The following MYO9B variants were observed in gnomAD, a reference collection of about 807,000 sequenced individuals.
MYO9B encodes unconventional myosin-IXb.
MYO9B carries 71 observed loss-of-function variants against 229.5 expected under a neutral mutation model. The ratio of observed to expected loss-of-function variants is 0.31; its 90% CI spans 0.26 to 0.38. The LOEUF is 0.38. Among genes scored for constraint, MYO9B ranks in the 10% least tolerant of loss-of-function variants. The pLI is 1.00. For synonymous variants in MYO9B, 1,185 were observed against 1,235.8 expected (o/e 0.96, Z 0.86); for missense variants, 2,255 against 2,920.5 (o/e 0.77, Z 5.25).
intron 15 of MYO9B, 83 bp from the exon 16 acceptor site, chr19:17,183,746 C>A: frequency 8.1e-7 from 1 of 1,236,032 alleles, no homozygotes; most frequent in South Asian, 1.4e-5. Flanking sequence ...CAGTCTAACC[C>A]GCCAGGCGTG....
At position 17,163,089 on chromosome 19, in the gene MYO9B, T is replaced by C; in HGVS notation, c.1638T>C (p.Tyr546=). The part of the protein sequence containing the change: ...CINYANEQLQ[Y]YFNQHIFKLE... Reference sequence around the variant, plus strand: ...ACTACGCCAATGAGCAGCTGCAGTATTACTTCAACCAGCACATCTTCAAGC... The same window carrying C: ...ACTACGCCAATGAGCAGCTGCAGTACTACTTCAACCAGCACATCTTCAAGC... Residue 546 remains tyrosine, a synonymous_variant, in exon 10 of 40, where the codon TAT becomes TAC. Coordinates refer to ENST00000682292, the MANE Select transcript of MYO9B (RefSeq NM_004145.4). 1 of 1,565,704 alleles carries C rather than the reference T, an allele frequency of 6.4e-7. No homozygotes were observed. The highest frequency in any genetic ancestry group is 8.7e-7 in the Non-Finnish European group (1 of 1,154,490).
chr19:17,192,292 A>C (rs1227219759), intron 20 of MYO9B, among the ~76,000 whole-genome samples: 1 of 148,822 alleles, frequency 6.7e-6, no homozygotes, highest in Middle Eastern at 3.6e-3. Flanking sequence ...TCAAAAAAAA[A>C]AAAAAAAAGG....
intron 29 of MYO9B, 124 bp from the exon 30 acceptor site, chr19:17,203,023 C>T (rs1359992020): frequency 1.6e-5 from 22 of 1,369,496 alleles, no homozygotes; most frequent in Non-Finnish European, 1.9e-5. Flanking sequence ...GTTTTTCCCC[C>T]GGCATATACG....
At chr19:17,171,975 T>G (rs543010282) in intron 11 of MYO9B, among the ~76,000 whole-genome samples, 14 of 152,276 alleles carry the variant, frequency 9.2e-5, no homozygotes, top group Non-Finnish European at 1.9e-4. Context: ...TCCTGAAGCC[T>G]TGAGAGCGTC....
chr19:17,143,385 G>C (rs1049614648), intron 2 of MYO9B, among the ~76,000 whole-genome samples: 3 of 152,146 alleles, frequency 2.0e-5, no homozygotes, highest in African/African-American at 7.2e-5. Flanking sequence ...ACTGTCTTGG[G>C]GACAAGTGAG....
chr19:17,193,297 C>T lies in MYO9B; in HGVS notation c.3128+235C>T, dbSNP rs1409042170. On this transcript the variant is annotated intron_variant, in intron 21 of 39. Transcript: ENST00000682292. The surrounding 1 kb of genome is among the most constrained non-coding windows in gnomAD (Gnocchi z 4.3). ...GCCCTGCTTTGCCATTGGCTGCACC[C>T]ATTCTCTGCCCAGGGACTCCCCTGT... 6.6e-6 allele frequency among the ~76,000 whole-genome samples: 1 copy of T among 152,212 alleles called. No individual in the cohort carries two copies. Among genetic ancestry groups the T allele is most frequent in the Non-Finnish European group, 1.5e-5 (1 of 68,038 alleles).
intron 32 of MYO9B, 24 bp from the exon 33 acceptor site, chr19:17,206,224 A>AGC: frequency 1.9e-6 from 3 of 1,563,188 alleles, no homozygotes; most frequent in Non-Finnish European, 2.6e-6. Context: ...GCCGCTCACC[A>AGC]GACCCACCCC....
chr19:17,188,084 G>A (rs3826689), intron 19 of MYO9B, 39 bp downstream of exon 19: 26 of 1,512,904 alleles, frequency 1.7e-5, no homozygotes, highest in Non-Finnish European at 2.3e-5. Context: ...CACCTGTTCC[G>A]TGGCAAAGGC....
chr19:17,175,322 T>A (rs927275396), intron 13 of MYO9B, among the ~76,000 whole-genome samples: 1 of 148,234 alleles, frequency 6.7e-6, no homozygotes, highest in Non-Finnish European at 1.5e-5. Context: ...CAGAGACTCA[T>A]GCCTATAATC....
At position 17,193,083 on chromosome 19, in the gene MYO9B, C is replaced by G. The variant is rs764174615; in HGVS notation, c.3128+21C>G. The G allele has an allele frequency of 2.1e-6, 3 of 1,431,184 alleles. No individual in the cohort carries two copies. In the East Asian group the frequency reaches 7.6e-5, roughly 36 times the overall value. 88.7% of individuals were successfully genotyped at this position (1,431,184 alleles called of 1,614,324 possible). On this transcript the variant is annotated intron_variant, in intron 21 of 39. Transcript: ENST00000682292. The surrounding 1 kb of genome is among the most constrained non-coding windows in gnomAD (Gnocchi z 4.3). ...AAGAGGTGAGCAGAGCCGGGCCACGCTCCTCGGAATATTCCAGAAGCCAAA... is the reference window on the plus strand; with the variant it reads ...AAGAGGTGAGCAGAGCCGGGCCACGGTCCTCGGAATATTCCAGAAGCCAAA...
chr19:17,199,287 G>A (rs979397805), intron 24 of MYO9B, among the ~76,000 whole-genome samples: 3 of 152,080 alleles, frequency 2.0e-5, no homozygotes, highest in Non-Finnish European at 2.9e-5. Context: ...GGAGGCTGAG[G>A]TGAGAGGATC....
At chr19:17,145,084 C>CCTGGACAACAT (rs1381337993) in intron 2 of MYO9B, among the ~76,000 whole-genome samples, 2 of 151,712 alleles carry the variant, frequency 1.3e-5, no homozygotes, top group Non-Finnish European at 2.9e-5. Context: ...TCTACGTCAG[C>CCTGGACAACAT]CTGGACAACA....
At chr19:17,167,473 A>ATTTTT (rs36062777) in intron 10 of MYO9B, among the ~76,000 whole-genome samples, 2 of 117,396 alleles carry the variant, frequency 1.7e-5, no homozygotes, top group East Asian at 2.5e-4. Context: ...TATTAGAGCT[A>ATTTTT]TTTTTTTTTT....
At chr19:17,099,581 C>T (rs993157475) in intron 1 of MYO9B, among the ~76,000 whole-genome samples, 2 of 151,666 alleles carry the variant, frequency 1.3e-5, no homozygotes, top group Non-Finnish European at 2.9e-5. Flanking sequence ...TTTGGAAGCC[C>T]GAAGCGGGTG....
Position 17,192,987 on chromosome 19 carries a change from G to A in MYO9B, c.3053G>A (p.Arg1018Gln), listed in dbSNP as rs770167618. Reference sequence around the variant, plus strand: ...GCCTCATGGAGGGGCTACTGGCAGCGGAAGCTCTACCGGCACCAGAAACAG... The same window carrying A: ...GCCTCATGGAGGGGCTACTGGCAGCAGAAGCTCTACCGGCACCAGAAACAG... ...LQASWRGYWQ[R>Q]KLYRHQKQSI... The change falls in exon 21 of 40, where the codon CGG becomes CAG. Residue 1018 changes from arginine (R) to glutamine (Q), a missense_variant. Arg to Gln is a conservative substitution (Grantham distance 43). Transcript: ENST00000682292. 4.7e-5 allele frequency: 71 copies of A among 1,517,476 alleles called. No homozygotes were observed. The highest frequency in any genetic ancestry group is 1.2e-4 in the Admixed American group (6 of 49,464). 94.0% of individuals were successfully genotyped at this position (1,517,476 alleles called of 1,614,324 possible).
At chr19:17,210,420 G>T (rs145881668) in intron 37 of MYO9B, 40 bp downstream of exon 37, 2 of 1,546,830 alleles carry the variant, frequency 1.3e-6, no homozygotes, top group Non-Finnish European at 1.7e-6. Flanking sequence ...CATGTCTCCC[G>T]GTGCAGTGCA....
intron 2 of MYO9B, among the ~76,000 whole-genome samples, chr19:17,115,962 AAAG>A (rs1442940863): frequency 6.6e-6 from 1 of 152,176 alleles, no homozygotes; most frequent in East Asian, 1.9e-4. Flanking sequence ...GGGAGTCAGG[AAAG>A]GAGGACACAG....
rs373059071 is a variant in MYO9B at position 17,156,894 on chromosome 19, C to T, written c.1200-15C>T. 2 of 1,609,482 alleles carry T rather than the reference C, an allele frequency of 1.2e-6. No homozygotes were observed. The highest frequency in any genetic ancestry group is 1.7e-4 in the Middle Eastern group (1 of 5,874). The stretch of plus-strand genomic sequence containing the variant: ...CGTAGAAACTACCCAAATATGAGTG[C>T]CTTTTCTTTCCCAGGATTTTTGCCG... On this transcript the variant is annotated splice_polypyrimidine_tract_variant and intron_variant, in intron 6 of 39. Transcript: ENST00000682292.
intron 1 of MYO9B, among the ~76,000 whole-genome samples, chr19:17,076,512 G>A (rs2057485687): frequency 6.6e-6 from 1 of 152,112 alleles, no homozygotes; most frequent in African/African-American, 2.4e-5. Flanking sequence ...CCGGAGAGGA[G>A]GGAAGAGAAG....
Sources: allele counts gnomAD v4.1 joint callset (sites outside exome capture counted in the v4.1 genomes callset), GRCh38; gene constraint gnomAD v4.1.1; non-coding constraint Gnocchi (gnomAD v3.1); transcripts MANE v1.5; gene names NCBI Gene and HGNC (gene_info 2026-07-23, HGNC 2026-07-21).